IDH2: variants seen among roughly 807,000 people sequenced by gnomAD.
The protein encoded by IDH2 is isocitrate dehydrogenase [NADP], mitochondrial.
A neutral mutation model predicts 50.5 loss-of-function variants in IDH2; 18 were observed. The observed-to-expected ratio is 0.36, with a 90% CI of 0.25 to 0.53. The LOEUF is 0.53. Among genes scored for constraint, IDH2 ranks in the 20% least tolerant of loss-of-function variants. IDH2 has a pLI of 0.92. For synonymous variants in IDH2, 280 were observed against 239.8 expected (o/e 1.17, Z -1.55); for missense variants, 518 against 610.7 (o/e 0.85, Z 1.60).
intron 1 of IDH2, among the ~76,000 whole-genome samples, chr15:90,101,228 C>G (rs976112330): frequency 6.6e-6 from 1 of 152,158 alleles, no homozygotes; most frequent in East Asian, 1.9e-4. Flanking sequence ...CCTCCTCTGG[C>G]CAGGTCAGGG....
At position 90,100,954 on chromosome 15, in the gene IDH2, C is replaced by T. The variant is rs1901315056; in HGVS notation, c.115+1322G>A. ...TGTTTGTTTCTTTTTTTTTTTTTTA[C>T]CATCAAGGCAGAAAAAAAGGGAGAA... On this transcript the variant is annotated intron_variant, in intron 1 of 10. Coordinates refer to ENST00000330062, the MANE Select transcript of IDH2 (RefSeq NM_002168.4). This position sits in a 1 kb window ranked among gnomAD's most constrained non-coding sequence, Gnocchi z 4.1. Among the ~76,000 whole-genome samples the T allele has an allele frequency of 7.9e-6, 1 of 126,732 alleles. No homozygotes were observed. 83.1% of individuals were successfully genotyped at this position (126,732 alleles called of 152,430 possible). A position where few individuals can be genotyped will look rare whatever the true frequency, so the allele number is the denominator to read the frequency against.
chr15:90,100,057 A>G lies in IDH2; in HGVS notation c.115+2219T>C, dbSNP rs1007740116. Among the ~76,000 whole-genome samples the G allele has an allele frequency of 6.6e-6, 1 of 152,012 alleles. No individual in the cohort carries two copies. The highest frequency in any genetic ancestry group is 6.6e-5 in the Admixed American group (1 of 15,264). Reference sequence around the variant, plus strand: ...CTCCCCTCTCACCCATCTGGTATGCATTGCCACACAGGGGCCAGTGAGTTC... The same window carrying G: ...CTCCCCTCTCACCCATCTGGTATGCGTTGCCACACAGGGGCCAGTGAGTTC... On this transcript the variant is annotated intron_variant, in intron 1 of 10. Coordinates refer to ENST00000330062, the MANE Select transcript of IDH2 (RefSeq NM_002168.4). This position sits in a 1 kb window ranked among gnomAD's most constrained non-coding sequence, Gnocchi z 4.1.
intron 7 of IDH2, 73 bp downstream of exon 7, chr15:90,087,039 G>T: frequency 2.0e-6 from 3 of 1,534,434 alleles, no homozygotes; most frequent in South Asian, 1.1e-5. Flanking sequence ...TCTACCAAAA[G>T]GGTCTGAAAA....
Position 90,098,539 on chromosome 15 carries a change from T to TATGCATGCATGC in IDH2, c.115+3736_115+3737insGCATGCATGCAT, listed in dbSNP as rs1567259741. Among the ~76,000 whole-genome samples, 4 of 147,024 alleles carry TATGCATGCATGC rather than the reference T, an allele frequency of 2.7e-5. No homozygotes were observed. The highest frequency in any genetic ancestry group is 6.0e-5 in the Non-Finnish European group (4 of 66,278). On this transcript the variant is annotated intron_variant, in intron 1 of 10. Coordinates refer to ENST00000330062, the MANE Select transcript of IDH2 (RefSeq NM_002168.4). The surrounding 1 kb of genome is among the most constrained non-coding windows in gnomAD (Gnocchi z 5.1). ...GTATGTATGTATGCATGCATGTATG[T>TATGCATGCATGC]ATGTATGTATGTATGTATGTATTGA...
intron 7 of IDH2, 58 bp downstream of exon 7, chr15:90,087,054 T>A (rs778404157): frequency 3.1e-6 from 5 of 1,593,362 alleles, no homozygotes; most frequent in African/African-American, 1.3e-5. Flanking sequence ...TGAAAATCCC[T>A]CCAGCCAGAG....
In IDH2 at chr15:90,083,518, C is replaced by G. The variant is rs1295948358; in HGVS notation, c.*748G>C. 1 of 152,456 alleles carries G rather than the reference C, an allele frequency of 6.6e-6. No individual in the cohort carries two copies. Among genetic ancestry groups the G allele is most frequent in the Non-Finnish European group, 1.5e-5 (1 of 68,264 alleles). 9.4% of individuals were successfully genotyped at this position (152,456 alleles called of 1,614,324 possible). A position where few individuals can be genotyped will look rare whatever the true frequency, so the allele number is the denominator to read the frequency against. On this transcript the variant is annotated 3_prime_UTR_variant, in exon 11 of 11. Transcript: ENST00000330062. ...CAAGCCTGGGAACTGCAGGCCTAGACAATGCAGGGCCCTTGTTCACACACA... is the reference window on the plus strand; with the variant it reads ...CAAGCCTGGGAACTGCAGGCCTAGAGAATGCAGGGCCCTTGTTCACACACA...
Position 90,088,447 on chromosome 15 carries a change from G to T in IDH2, c.590C>A (p.Thr197Asn), listed in dbSNP as rs765450561. Reference sequence around the variant, plus strand: ...CTTGACACCACTGCCATCTTTTGGGGTGAAGACCATTTTGAAAGTGCCGGC... The same window carrying T: ...CTTGACACCACTGCCATCTTTTGGGTTGAAGACCATTTTGAAAGTGCCGGC... Reference protein sequence around the residue: ...DRAGTFKMVFTPKDGSGVKEW... With the variant: ...DRAGTFKMVFNPKDGSGVKEW... The change falls in exon 5 of 11, where the codon ACC becomes AAC. Residue 197 changes from threonine (T) to asparagine (N), a missense_variant. Thr to Asn is a moderately conservative substitution (Grantham distance 65). Transcript: ENST00000330062. The T allele has an allele frequency of 6.2e-7, 1 of 1,614,216 alleles. No homozygotes were observed.
rs765748772 is a variant in IDH2 at position 90,085,045 on chromosome 15, G to A, written c.1134C>T (p.Gly378=). 6.2e-7 allele frequency: 1 copy of A among 1,614,022 alleles called. No homozygotes were observed. Among genetic ancestry groups the A allele is most frequent in the Non-Finnish European group, 8.5e-7 (1 of 1,180,018 alleles). ...CATCCAGCTTCCCCCGGTGCTCCAGGCCACGTGTCCAGGCAAAGATGCTGG... is the reference window on the plus strand; with the variant it reads ...CATCCAGCTTCCCCCGGTGCTCCAGACCACGTGTCCAGGCAAAGATGCTGG... ...PIASIFAWTR[G]LEHRGKLDGN... The change falls in exon 9 of 11, where the codon GGC becomes GGT. Residue 378 remains glycine, a synonymous_variant. Coordinates refer to ENST00000330062, the MANE Select transcript of IDH2 (RefSeq NM_002168.4). The surrounding 1 kb of genome is among the most constrained non-coding windows in gnomAD (Gnocchi z 5.5).
intron 1 of IDH2, among the ~76,000 whole-genome samples, chr15:90,097,295 GTTA>G (rs1486148166): frequency 6.6e-6 from 1 of 152,104 alleles, no homozygotes; most frequent in Non-Finnish European, 1.5e-5. Context: ...TTTATTACTA[GTTA>G]TTATTGCTAA....
Position 90,087,442 on chromosome 15 carries a change from T to C in IDH2, c.812A>G (p.Asp271Gly). Residue 271 changes from aspartate (D) to glycine (G), a missense_variant, in exon 6 of 11, where the codon GAC becomes GGC. This residue lies in a region of IDH2 where 207 missense variants were observed against 208.6 expected (regional missense o/e 0.99). Transcript: ENST00000330062. ...RFKDIFQEIF[D>G]KHYKTDFDKN... Reference sequence around the variant, plus strand: ...GAGTACATGGATGAGGCTTTACTTGTCAAAGATCTCCTGGAAGATGTCCTT... The same window carrying C: ...GAGTACATGGATGAGGCTTTACTTGCCAAAGATCTCCTGGAAGATGTCCTT... The C allele has an allele frequency of 6.2e-7, 1 of 1,614,142 alleles. No homozygotes were observed. The highest frequency in any genetic ancestry group is 1.1e-5 in the South Asian group (1 of 91,082).
At position 90,088,420 on chromosome 15, in the gene IDH2, T is replaced by A. The variant is rs773803529; in HGVS notation, c.617A>T (p.Glu206Val). 1.2e-6 allele frequency: 2 copies of A among 1,614,212 alleles called. No individual in the cohort carries two copies. The highest frequency in any genetic ancestry group is 2.2e-5 in the South Asian group (2 of 91,090). The change falls in exon 5 of 11, where the codon GAG (glutamate) becomes GTG (valine). Residue 206 changes from glutamate (E) to valine (V), a missense_variant. Around this residue, in one of 5 missense-constraint regions of IDH2, gnomAD observed 207 missense variants for 208.6 expected, o/e 0.99. Transcript: ENST00000330062. ...TGCGGGGAAGTTGTACACTTCCCAC[T>A]CCTTGACACCACTGCCATCTTTTGG... ...FTPKDGSGVK[E>V]WEVYNFPAGG...
At chr15:90,099,597 G>C (rs948879060) in intron 1 of IDH2, among the ~76,000 whole-genome samples, 6 of 152,122 alleles carry the variant, frequency 3.9e-5, no homozygotes, top group Non-Finnish European at 8.8e-5. Flanking sequence ...TAAGACCACA[G>C]ACATGCACCA....
Position 90,092,000 on chromosome 15 carries a change from G to T in IDH2, c.116-356C>A, listed in dbSNP as rs58649370. On this transcript the variant is annotated intron_variant, in intron 1 of 10. Coordinates refer to ENST00000330062, the MANE Select transcript of IDH2 (RefSeq NM_002168.4). The stretch of plus-strand genomic sequence containing the variant: ...ATGCCTGGGAACTGCGCACACGAGG[G>T]ATCTAGGTTGCATACTCCTTATGAG... Among the ~76,000 whole-genome samples the T allele has an allele frequency of 3.5e-3, 527 of 152,280 alleles. 3 individuals are homozygous for T. Among genetic ancestry groups the T allele is most frequent in the African/African-American group, 0.012 (503 of 41,548 alleles).
chr15:90,084,148 A>G lies in IDH2; in HGVS notation c.*118T>C, dbSNP rs1900791621. 6.6e-6 allele frequency: 5 copies of G among 756,502 alleles called. No homozygotes were observed. Among genetic ancestry groups the G allele is most frequent in the African/African-American group, 1.7e-5 (1 of 57,680 alleles). The allele number at this position is 756,502 out of a possible 1,614,324, so 46.9% of individuals were successfully genotyped here. On this transcript the variant is annotated 3_prime_UTR_variant, in exon 11 of 11. Transcript: ENST00000330062. The surrounding 1 kb of genome is among the most constrained non-coding windows in gnomAD (Gnocchi z 5.0). Reference sequence around the variant, plus strand: ...TTTTAAAAACATCTGGCTTATAAAAAAACATCCCCTAGAAAGGCCTCCAGA... The same window carrying G: ...TTTTAAAAACATCTGGCTTATAAAAGAACATCCCCTAGAAAGGCCTCCAGA...
chr15:90,084,210 A>G lies in IDH2; in HGVS notation c.*56T>C. On this transcript the variant is annotated 3_prime_UTR_variant, in exon 11 of 11. Transcript: ENST00000330062. This position sits in a 1 kb window ranked among gnomAD's most constrained non-coding sequence, Gnocchi z 5.0. ...AGGCTCACCCTCTGCCGCGCTCAGGAGGACCCGCCGGCTCAGCCCTGGCCC... is the reference window on the plus strand; with the variant it reads ...AGGCTCACCCTCTGCCGCGCTCAGGGGGACCCGCCGGCTCAGCCCTGGCCC... The G allele has an allele frequency of 6.8e-7, 1 of 1,478,936 alleles. No homozygotes were observed. Among genetic ancestry groups the G allele is most frequent in the Non-Finnish European group, 9.4e-7 (1 of 1,065,052 alleles). 91.6% of individuals were successfully genotyped at this position (1,478,936 alleles called of 1,614,324 possible). A position where few individuals can be genotyped will look rare whatever the true frequency, so the allele number is the denominator to read the frequency against.
intron 1 of IDH2, among the ~76,000 whole-genome samples, chr15:90,092,885 A>G (rs1231732858): frequency 1.3e-5 from 2 of 152,124 alleles, no homozygotes; most frequent in African/African-American, 4.8e-5. Flanking sequence ...GCCTAATTTT[A>G]AAATTTTTTT....
chr15:90,100,666 GCT>G lies in IDH2; in HGVS notation c.115+1608_115+1609del. 1.0e-6 allele frequency: 1 copy of G among 985,038 alleles called. No homozygotes were observed. Among genetic ancestry groups the G allele is most frequent in the Non-Finnish European group, 1.2e-6 (1 of 829,564 alleles). The allele number at this position is 985,038 out of a possible 1,614,324, so 61.0% of individuals were successfully genotyped here. A position where few individuals can be genotyped will look rare whatever the true frequency, so the allele number is the denominator to read the frequency against. ...AATTACCAGGCAGCAAAGACACGGGGCTCTTTTAGCCCCAAAATATTCTTTCC... is the reference window on the plus strand; with the variant it reads ...AATTACCAGGCAGCAAAGACACGGGGCTTTTAGCCCCAAAATATTCTTTCC... On this transcript the variant is annotated intron_variant, in intron 1 of 10. Coordinates refer to ENST00000330062, the MANE Select transcript of IDH2 (RefSeq NM_002168.4). The surrounding 1 kb of genome is among the most constrained non-coding windows in gnomAD (Gnocchi z 4.1).
chr15:90,097,696 G>C (rs1901217896), intron 1 of IDH2, among the ~76,000 whole-genome samples: 1 of 152,150 alleles, frequency 6.6e-6, no homozygotes, highest in African/African-American at 2.4e-5. Flanking sequence ...TGTTTCATGG[G>C]TAGAGAGTTT....
At position 90,084,359 on chromosome 15, in the gene IDH2, G is replaced by C; in HGVS notation, c.1272-6C>G. The C allele has an allele frequency of 6.2e-7, 1 of 1,612,838 alleles. No individual in the cohort carries two copies. The highest frequency in any genetic ancestry group is 8.5e-7 in the Non-Finnish European group (1 of 1,179,340). ...AGTGCTCGTTCAGCTTCACACTGCA[G>C]AGAGAGCACCACTCACATCAGGGGT... is the stretch of plus-strand genomic sequence containing the variant. On this transcript the variant is annotated splice_region_variant and splice_polypyrimidine_tract_variant and intron_variant, in intron 10 of 10. Transcript: ENST00000330062. This position sits in a 1 kb window ranked among gnomAD's most constrained non-coding sequence, Gnocchi z 5.0.
Sources: allele counts gnomAD v4.1 joint callset (sites outside exome capture counted in the v4.1 genomes callset), GRCh38; gene constraint gnomAD v4.1.1; regional missense constraint gnomAD v4.1.1; non-coding constraint Gnocchi (gnomAD v3.1); transcripts MANE v1.5; gene names NCBI Gene and HGNC (gene_info 2026-07-23, HGNC 2026-07-21).